The following ARVCF variants were observed in gnomAD, a reference collection of about 807,000 sequenced individuals.
ARVCF encodes the protein splicing regulator ARVCF.
In ARVCF, 66 loss-of-function variants were observed where a neutral mutation model predicts 90.9. The ratio of observed to expected loss-of-function variants is 0.73; its 90% confidence interval spans 0.60 to 0.89. The LOEUF (loss-of-function observed/expected upper bound fraction) is 0.89. ARVCF is among the 40% of genes least tolerant of loss of function. ARVCF has a pLI of 0.00. For missense variants in ARVCF, 1,469 were observed against 1,382.3 expected, an observed-to-expected ratio of 1.06 and a Z score of -1.00; for synonymous variants, 653 against 603.4, an observed-to-expected ratio of 1.08 and a Z score of -1.21.
intron 2 of ARVCF, among the ~76,000 whole-genome samples, chr22:19,998,111 C>T (rs1569185733): frequency 6.6e-6 from 1 of 152,236 alleles, no homozygotes; most frequent in Admixed American, 6.5e-5. Flanking sequence ...CTACCATGCC[C>T]TACGGCCCCA....
Position 19,981,466 on chromosome 22 carries a change from C to A in ARVCF, c.641G>T (p.Arg214Leu). Residue 214 changes from arginine (R) to leucine (L), a missense_variant, in exon 5 of 20, where the codon CGT becomes CTT. By Grantham distance (102) the Arg-to-Leu change is moderately radical (BLOSUM62 -2). Coordinates refer to ENST00000263207, the MANE Select transcript of ARVCF (RefSeq NM_001670.3). ...LSRGLGMRPP[R>L]AGPLGPGPGD... The stretch of plus-strand genomic sequence containing the variant: ...AGGGCCTGGGCCAAGGGGGCCAGCA[C>A]GTGGGGGCCGCATGCCCAGCCCTCG... The A allele has an allele frequency of 3.2e-6, 5 of 1,544,440 alleles. No individual in the cohort carries two copies. Among genetic ancestry groups the A allele is most frequent in the South Asian group, 1.2e-5 (1 of 83,960 alleles).
chr22:19,972,117 C>G lies in ARVCF; in HGVS notation c.2696-146G>C. On this transcript the variant is annotated intron_variant, in intron 17 of 19. Coordinates refer to ENST00000263207, the MANE Select transcript of ARVCF (RefSeq NM_001670.3). ...ACCCACCCTGTCCTGGAGATCCAGG[C>G]TGGTGCCAGCTCTCACCAACACCCT... is the stretch of plus-strand genomic sequence containing the variant. 4 of 906,930 alleles carry G rather than the reference C, an allele frequency of 4.4e-6. No individual in the cohort carries two copies. In the South Asian group the frequency reaches 6.8e-5, roughly 15 times the overall value. 56.2% of individuals were successfully genotyped at this position (906,930 alleles called of 1,614,324 possible).
downstream of ARVCF, among the ~76,000 whole-genome samples, chr22:19,966,616 T>A (rs984529519): frequency 2.6e-5 from 4 of 152,032 alleles, no homozygotes; most frequent in Admixed American, 2.0e-4. Flanking sequence ...AATTTAAAAA[T>A]TTTTTGTAGA....
chr22:19,990,700 T>A lies in ARVCF; in HGVS notation c.95A>T (p.Gln32Leu). The stretch of plus-strand genomic sequence containing the variant: ...CTGTAGGGCAACATGGCGCCGCTCC[T>A]GCTCCAGTGCCCGTGTCAGCCTCTC... ...RFERLTRALE[Q>L]ERRHVALQLE... The change falls in exon 3 of 20, where the codon CAG becomes CTG. Residue 32 changes from glutamine to leucine, a missense_variant. By Grantham distance (113) the Gln-to-Leu change is moderately radical. Coordinates refer to ENST00000263207, the MANE Select transcript of ARVCF (RefSeq NM_001670.3). 1 of 1,600,264 alleles carries A rather than the reference T, an allele frequency of 6.2e-7. No individual in the cohort carries two copies. The highest frequency in any genetic ancestry group is 8.5e-7 in the Non-Finnish European group (1 of 1,173,598).
Position 19,981,596 on chromosome 22 carries a change from C to G in ARVCF, c.511G>C (p.Gly171Arg). Residue 171 changes from glycine to arginine, a missense_variant, in exon 5 of 20, where the codon GGT becomes CGT. Gly to Arg is a moderately radical substitution (Grantham distance 125). Coordinates refer to ENST00000263207, the MANE Select transcript of ARVCF (RefSeq NM_001670.3). The stretch of plus-strand genomic sequence containing the variant: ...GAGAGTGTGGCCACTGGGCCACCAC[C>G]ACGCAGCAGGAAATGCCGGTCCAGG... ...GALDRHFLLRGGGPVATLSRA... is the reference protein window; with the variant it reads ...GALDRHFLLRRGGPVATLSRA... The G allele has an allele frequency of 6.2e-7, 1 of 1,607,410 alleles. No homozygotes were observed.
intron 3 of ARVCF, chr22:19,987,007 G>T (rs1187735410): frequency 4.7e-6 from 3 of 643,330 alleles, no homozygotes; most frequent in Non-Finnish European, 8.4e-6. Context: ...CTCCCGGGCA[G>T]GCCGACGCCC....
chr22:20,011,479 G>T (rs564111294), intron 1 of ARVCF, among the ~76,000 whole-genome samples: 8 of 152,082 alleles, frequency 5.3e-5, no homozygotes, highest in Non-Finnish European at 1.0e-4. Flanking sequence ...TGCCCCAACG[G>T]TGTGTTTCCC....
At chr22:19,987,850 G>A (rs1000385878) in intron 3 of ARVCF, among the ~76,000 whole-genome samples, 4 of 152,016 alleles carry the variant, frequency 2.6e-5, no homozygotes, top group African/African-American at 7.2e-5. Context: ...CAGAAGCCCC[G>A]AATGCACCCC....
chr22:19,999,914 T>A (rs1330852471), intron 2 of ARVCF, among the ~76,000 whole-genome samples: 1 of 152,098 alleles, frequency 6.6e-6, no homozygotes, highest in Non-Finnish European at 1.5e-5. Context: ...CCCCTGACCT[T>A]CTAGAACAAG....
Position 19,978,021 on chromosome 22 carries a change from C to T in ARVCF, c.1635G>A (p.Gly545=). Residue 545 remains glycine (G), a synonymous_variant, in exon 8 of 20, where the codon GGG becomes GGA. Coordinates refer to ENST00000263207, the MANE Select transcript of ARVCF (RefSeq NM_001670.3). The stretch of plus-strand genomic sequence containing the variant: ...GGGCATGCAGGAGCGCGTCCACCAG[C>T]CCTTCACACTCCCGGAGTCGCCGCC... ...EARRRLRECE[G]LVDALLHALQ... 6.2e-7 allele frequency: 1 copy of T among 1,612,156 alleles called. No individual in the cohort carries two copies. The highest frequency in any genetic ancestry group is 8.5e-7 in the Non-Finnish European group (1 of 1,179,604).
In ARVCF at chr22:19,990,598, T is replaced by C. The variant is rs766991110; in HGVS notation, c.197A>G (p.Gln66Arg). The change falls in exon 3 of 20, where the codon CAG becomes CGG. Residue 66 changes from glutamine (Q) to arginine (R), a missense_variant. Coordinates refer to ENST00000263207, the MANE Select transcript of ARVCF (RefSeq NM_001670.3). ...SGQPLPMAWQ[Q>R]LVLQEQSPGS... is the part of the protein sequence containing the mutation. ...CTAGGCTGTTACCTGGAGGACCAGC[T>C]GTTGCCAGGCCATTGGCAGGGGCTG... The C allele has an allele frequency of 1.1e-5, 18 of 1,608,382 alleles. No homozygotes were observed. Among genetic ancestry groups the C allele is most frequent in the Non-Finnish European group, 1.4e-5 (16 of 1,177,460 alleles).
rs186480852 is a variant in ARVCF, at chr22:20,007,200, A to G, written c.-19+3255T>C. On this transcript the variant is annotated intron_variant, in intron 2 of 19. Transcript: ENST00000263207. The stretch of plus-strand genomic sequence containing the variant: ...GATCACCTGAGGTCAGGAGTTCGAC[A>G]CCAGCCTGGACATGGTGAAATCCCA... Among the ~76,000 whole-genome samples the G allele has an allele frequency of 1.5e-3, 232 of 152,214 alleles. 1 individual carries two copies. The highest frequency in any genetic ancestry group is 5.4e-3 in the African/African-American group (225 of 41,544).
chr22:20,002,025 T>C (rs1483150963), intron 2 of ARVCF, among the ~76,000 whole-genome samples: 3 of 152,042 alleles, frequency 2.0e-5, no homozygotes, highest in African/African-American at 7.3e-5. Flanking sequence ...TTCCACATGA[T>C]AGGAGTTTCC....
chr22:19,977,609 G>A, intron 8 of ARVCF, 23 bp from the exon 9 acceptor site: 1 of 1,504,862 alleles, frequency 6.6e-7, no homozygotes, highest in Non-Finnish European at 8.9e-7. Flanking sequence ...GTGAGTGGGT[G>A]GGGCAGGGCA....
chr22:19,979,026 T>C lies in ARVCF; in HGVS notation c.1451A>G (p.His484Arg), dbSNP rs200300285. 1.2e-4 allele frequency: 186 copies of C among 1,613,420 alleles called. 1 individual carries two copies. The highest frequency in any genetic ancestry group is 1.7e-4 in the Middle Eastern group (1 of 6,058). The part of the protein sequence containing the change: ...YEPLKMVIID[H>R]GLQTLTHEVI... ...CTCGTGGGTCAGCGTCTGCAGGCCA[T>C]GGTCAATGATGACCATCTTCAGGGG... The change falls in exon 7 of 20, where the codon CAT becomes CGT. Residue 484 changes from histidine (H) to arginine (R), a missense_variant. Physicochemically the swap from His to Arg is conservative, Grantham distance 29. Transcript: ENST00000263207.
intron 2 of ARVCF, among the ~76,000 whole-genome samples, chr22:20,005,526 TA>T (rs957040885): frequency 2.0e-5 from 3 of 152,170 alleles, no homozygotes; most frequent in African/African-American, 7.2e-5. Flanking sequence ...ATTATGTATC[TA>T]AAAGAATTGA....
At chr22:19,975,331 C>A (rs1943091037) in intron 11 of ARVCF, among the ~76,000 whole-genome samples, 1 of 152,224 alleles carries the variant, frequency 6.6e-6, no homozygotes, top group Non-Finnish European at 1.5e-5. Flanking sequence ...GGCTCCCAGC[C>A]CCCTCAGATA....
chr22:19,991,336 G>A (rs1193406489), intron 2 of ARVCF, among the ~76,000 whole-genome samples: 2 of 152,232 alleles, frequency 1.3e-5, no homozygotes, highest in Non-Finnish European at 2.9e-5. Context: ...CCAAGACCCC[G>A]AGGCAGGCGC....
Position 19,972,808 on chromosome 22 carries a change from T to C in ARVCF, c.2570A>G (p.Lys857Arg), listed in dbSNP as rs1206491895. 6.2e-7 allele frequency: 1 copy of C among 1,613,362 alleles called. No individual in the cohort carries two copies. The highest frequency in any genetic ancestry group is 2.2e-5 in the East Asian group (1 of 44,876). Residue 857 changes from lysine to arginine, a missense_variant, in exon 16 of 20, where the codon AAG (lysine) becomes AGG (arginine). By Grantham distance (26) the Lys-to-Arg change is conservative. Coordinates refer to ENST00000263207, the MANE Select transcript of ARVCF (RefSeq NM_001670.3). ...AGGACTCAGTGCTCCCTTAGGCCCCTTGGCAGTAGCAGCAGCTGACTGAGA... is the reference window on the plus strand; with the variant it reads ...AGGACTCAGTGCTCCCTTAGGCCCCCTGGCAGTAGCAGCAGCTGACTGAGA... ...ARFQSAAATAKGPKGALSPGG... is the reference protein window; with the variant it reads ...ARFQSAAATARGPKGALSPGG...
Sources: gnomAD v4.1 joint callset for allele counts (sites outside exome capture counted in the v4.1 genomes callset) on GRCh38, gnomAD v4.1.1 for gene constraint, MANE v1.5 for transcripts, NCBI Gene and HGNC (gene_info 2026-07-23, HGNC 2026-07-21) for gene names.